The following YWHAH variants were observed in gnomAD, a reference collection of about 807,000 sequenced individuals.
The protein encoded by YWHAH is tyrosine 3-monooxygenase/tryptophan 5-monooxygenase activation protein eta, also known as 14-3-3 protein eta.
YWHAH carries 6 observed loss-of-function variants against 22.9 expected under a neutral mutation model. That is an observed-to-expected ratio of 0.26 (90% CI 0.14 to 0.52). YWHAH has a LOEUF of 0.52. Among genes scored for constraint, YWHAH ranks in the 20% least tolerant of loss-of-function variants. YWHAH has a pLI of 0.97. For missense variants in YWHAH, 173 were observed against 308.6 expected (o/e 0.56, Z 3.29); for synonymous variants, 135 against 124.5 (o/e 1.08, Z -0.56).
At position 31,956,174 on chromosome 22, in the gene YWHAH, T is replaced by C. The variant is rs1435702154; in HGVS notation, c.123T>C (p.Asp41=). ...TELNEPLSNE[D]RNLLSVAYKN... The stretch of plus-strand genomic sequence containing the variant: ...TGAATGAACCTCTCTCCAATGAAGA[T>C]CGAAATCTCCTCTCTGTGGCCTACA... Residue 41 remains aspartate (D), a synonymous_variant, in exon 2 of 2, where the codon GAT becomes GAC. Transcript: ENST00000248975. This position sits in a 1 kb window ranked among gnomAD's most constrained non-coding sequence, Gnocchi z 5.1. 1.2e-6 allele frequency: 2 copies of C among 1,613,568 alleles called. No homozygotes were observed. The highest frequency in any genetic ancestry group is 1.7e-5 in the Admixed American group (1 of 59,844).
intron 1 of YWHAH, among the ~76,000 whole-genome samples, chr22:31,954,579 G>A (rs955289430): frequency 3.3e-5 from 5 of 152,188 alleles, no homozygotes; most frequent in African/African-American, 1.2e-4. Context: ...CTGGACGCTA[G>A]AAGTTTGAAA....
At chr22:31,945,842 C>G (rs575588637) in intron 1 of YWHAH, among the ~76,000 whole-genome samples, 2 of 152,258 alleles carry the variant, frequency 1.3e-5, no homozygotes, top group African/African-American at 4.8e-5. Context: ...ACTCAGACAT[C>G]TGCATTGTAA....
chr22:31,953,521 C>CT (rs771848552), intron 1 of YWHAH, among the ~76,000 whole-genome samples: 1 of 152,112 alleles, frequency 6.6e-6, no homozygotes, highest in Non-Finnish European at 1.5e-5. Context: ...CAAAAAAAGA[C>CT]TAAGTTATTA....
At chr22:31,947,542 T>C in intron 1 of YWHAH, 1 of 465,304 alleles carries the variant, frequency 2.1e-6, no homozygotes, top group Non-Finnish European at 4.5e-6. Flanking sequence ...TCAAACCTGT[T>C]GAGAACTTCT....
At chr22:31,947,429 C>A (rs1375828222) in intron 1 of YWHAH, 2 of 471,258 alleles carry the variant, frequency 4.2e-6, no homozygotes, top group South Asian at 3.1e-5. Flanking sequence ...ATAATACTGC[C>A]TTCCTGTAAT....
chr22:31,952,905 T>A (rs2093845122), intron 1 of YWHAH, among the ~76,000 whole-genome samples: 1 of 152,230 alleles, frequency 6.6e-6, no homozygotes, highest in Admixed American at 6.5e-5. Context: ...GCCTTGGAGA[T>A]CATTTGGGCT....
chr22:31,945,312 C>T (rs1603048460), intron 1 of YWHAH: 10 of 1,208,280 alleles, frequency 8.3e-6, no homozygotes, highest in Non-Finnish European at 9.5e-6. Flanking sequence ...TTGCTCTGCT[C>T]GTTCGAATTG....
intron 1 of YWHAH, among the ~76,000 whole-genome samples, chr22:31,955,791 C>T (rs1275063605): frequency 6.6e-6 from 1 of 152,152 alleles, no homozygotes; most frequent in African/African-American, 2.4e-5. Context: ...TTTTCTTCTT[C>T]ACCATTATGT....
chr22:31,950,022 C>G (rs1376541504), intron 1 of YWHAH, among the ~76,000 whole-genome samples: 1 of 125,258 alleles, frequency 8.0e-6, no homozygotes. Flanking sequence ...AACAGAGAAA[C>G]ATAAGAGGGA....
In YWHAH at chr22:31,944,677, G is replaced by T; in HGVS notation, c.-57G>T. The T allele has an allele frequency of 8.0e-7, 1 of 1,257,654 alleles. No individual in the cohort carries two copies. The highest frequency in any genetic ancestry group is 1.0e-6 in the Non-Finnish European group (1 of 988,254). 77.9% of individuals were successfully genotyped at this position (1,257,654 alleles called of 1,614,324 possible). ...GCGACCGGGGAGCGGACTGACCGGC[G>T]GGAGGGCTAGCGAGCCAGCGGTGTG... On this transcript the variant is annotated 5_prime_UTR_variant, in exon 1 of 2. Coordinates refer to ENST00000248975, the MANE Select transcript of YWHAH (RefSeq NM_003405.4).
intron 1 of YWHAH, chr22:31,945,212 C>A: frequency 1.8e-6 from 2 of 1,118,144 alleles, no homozygotes; most frequent in Non-Finnish European, 2.2e-6. Context: ...CTCCGTTCCC[C>A]AACTTGGAAT....
At chr22:31,955,966 C>T (rs1180173252) in intron 1 of YWHAH, among the ~76,000 whole-genome samples, 173 bp from the exon 2 acceptor site, 2 of 152,180 alleles carry the variant, frequency 1.3e-5, no homozygotes, top group African/African-American at 4.8e-5. Context: ...TCTTTCTTCA[C>T]ATAGGGTTCA....
In YWHAH at chr22:31,957,501, T is replaced by TGTCAGCCCA. The variant is rs2093851196; in HGVS notation, c.*710_*718dup. The stretch of plus-strand genomic sequence containing the variant: ...TTGTGTATCCTGACAGCGCCATGTG[T>TGTCAGCCCA]GTCAGCCCATGTCAATCAAGATGGG... On this transcript the variant is annotated 3_prime_UTR_variant, in exon 2 of 2. Coordinates refer to ENST00000248975, the MANE Select transcript of YWHAH (RefSeq NM_003405.4). 1 of 152,606 alleles carries TGTCAGCCCA rather than the reference T, an allele frequency of 6.6e-6. No individual in the cohort carries two copies. Among genetic ancestry groups the TGTCAGCCCA allele is most frequent in the Admixed American group, 6.6e-5 (1 of 15,262 alleles). 9.5% of individuals were successfully genotyped at this position (152,606 alleles called of 1,614,324 possible). A position where few individuals can be genotyped will look rare whatever the true frequency, so the allele number is the denominator to read the frequency against.
At chr22:31,951,020 G>A (rs1415857256) in intron 1 of YWHAH, among the ~76,000 whole-genome samples, 1 of 152,132 alleles carries the variant, frequency 6.6e-6, no homozygotes, top group East Asian at 1.9e-4. Context: ...TCCCACCCAA[G>A]TAGCTGGGAT....
Position 31,956,158 on chromosome 22 carries a change from C to T in YWHAH, c.107C>T (p.Pro36Leu). The T allele has an allele frequency of 6.2e-7, 1 of 1,608,138 alleles. No homozygotes were observed. Residue 36 changes from proline (P) to leucine (L), a missense_variant, in exon 2 of 2, where the codon CCT becomes CTT. Physicochemically the swap from Pro to Leu is moderately conservative, Grantham distance 98 (BLOSUM62 -3). Transcript: ENST00000248975. The surrounding 1 kb of genome is among the most constrained non-coding windows in gnomAD (Gnocchi z 5.1). ...TTGCAGGTGACAGAGCTGAATGAACCTCTCTCCAATGAAGATCGAAATCTC... is the reference window on the plus strand; with the variant it reads ...TTGCAGGTGACAGAGCTGAATGAACTTCTCTCCAATGAAGATCGAAATCTC... ...AMKAVTELNE[P>L]LSNEDRNLLS...
At chr22:31,951,911 TG>T (rs1359804802) in intron 1 of YWHAH, among the ~76,000 whole-genome samples, 2 of 151,994 alleles carry the variant, frequency 1.3e-5, no homozygotes, top group Non-Finnish European at 2.9e-5. Flanking sequence ...TCAGGAAGGG[TG>T]TAAGTAGGAT....
intron 1 of YWHAH, among the ~76,000 whole-genome samples, chr22:31,949,989 T>A (rs2149467423): frequency 6.7e-6 from 1 of 150,368 alleles, no homozygotes; most frequent in East Asian, 2.0e-4. Flanking sequence ...AAGAACAATC[T>A]GCCATTTATG....
At chr22:31,952,673 A>C (rs2093844875) in intron 1 of YWHAH, among the ~76,000 whole-genome samples, 1 of 152,212 alleles carries the variant, frequency 6.6e-6, no homozygotes, top group South Asian at 2.1e-4. Context: ...CTGGCAGGCA[A>C]CCAGATGATT....
At chr22:31,951,392 T>C (rs2093843121) in intron 1 of YWHAH, among the ~76,000 whole-genome samples, 1 of 152,218 alleles carries the variant, frequency 6.6e-6, no homozygotes, top group African/African-American at 2.4e-5. Context: ...ATAGCATGTG[T>C]GGAGCTGTGA....
Sources: allele counts gnomAD v4.1 joint callset (sites outside exome capture counted in the v4.1 genomes callset), GRCh38; gene constraint gnomAD v4.1.1; non-coding constraint Gnocchi (gnomAD v3.1); transcripts MANE v1.5; gene names NCBI Gene and HGNC (gene_info 2026-07-23, HGNC 2026-07-21).